The following SWAP70 variants were observed in gnomAD, a reference collection of about 807,000 sequenced individuals.
SWAP70 encodes the protein switching B cell complex subunit SWAP70.
SWAP70 carries 34 observed loss-of-function variants against 80.2 expected under a neutral mutation model. That is an observed-to-expected ratio of 0.42 (90% CI 0.32 to 0.56). The LOEUF is 0.56. SWAP70 is among the 20% of genes least tolerant of loss of function. The pLI is 0.09. For synonymous variants in SWAP70, 239 were observed against 238.5 expected (o/e 1.00, Z -0.02); for missense variants, 578 against 690.7 (o/e 0.84, Z 1.83).
intron 1 of SWAP70, among the ~76,000 whole-genome samples, chr11:9,665,799 C>G (rs573351253): frequency 6.6e-6 from 1 of 152,036 alleles, no homozygotes; most frequent in Admixed American, 6.6e-5. Flanking sequence ...ATTTCCAGTT[C>G]GGGGGAGTTA....
chr11:9,716,234 A>G (rs1590034911), intron 3 of SWAP70, among the ~76,000 whole-genome samples: 1 of 152,134 alleles, frequency 6.6e-6, no homozygotes, highest in African/African-American at 2.4e-5. Context: ...TGAAATATGG[A>G]GACATGGGAG....
intron 1 of SWAP70, among the ~76,000 whole-genome samples, chr11:9,684,742 A>G (rs888613744): frequency 6.6e-5 from 10 of 152,216 alleles, no homozygotes; most frequent in African/African-American, 7.2e-5. Flanking sequence ...ATAGTAAAAT[A>G]AATGCAAAGA....
intron 1 of SWAP70, among the ~76,000 whole-genome samples, chr11:9,674,422 G>A (rs1850460921): frequency 2.0e-5 from 3 of 152,122 alleles, no homozygotes; most frequent in Admixed American, 6.5e-5. Context: ...TTGGGAAGCT[G>A]GGTGCAGTGG....
chr11:9,667,496 G>T (rs141744792), intron 1 of SWAP70, among the ~76,000 whole-genome samples: 1 of 152,008 alleles, frequency 6.6e-6, no homozygotes, highest in Non-Finnish European at 1.5e-5. Context: ...AAAGACATCC[G>T]CCCGCCTTGG....
At chr11:9,669,185 C>T (rs759649119) in intron 1 of SWAP70, among the ~76,000 whole-genome samples, 3 of 152,108 alleles carry the variant, frequency 2.0e-5, no homozygotes, top group South Asian at 2.1e-4. Context: ...AAATGAACTC[C>T]GAAGGAAGTT....
chr11:9,675,515 G>A (rs1030329813), intron 1 of SWAP70, among the ~76,000 whole-genome samples: 10 of 151,776 alleles, frequency 6.6e-5, no homozygotes, highest in Admixed American at 1.3e-4. Flanking sequence ...GATGTTTGCT[G>A]GTTGTCTAGT....
chr11:9,749,912 C>T lies in SWAP70; in HGVS notation c.1700C>T (p.Thr567Ile), dbSNP rs1851563145. 1 of 1,614,082 alleles carries T rather than the reference C, an allele frequency of 6.2e-7. No homozygotes were observed. The highest frequency in any genetic ancestry group is 2.2e-5 in the East Asian group (1 of 44,884). ...ACTAACTGGGGACCTGCAGCTTTCA[C>T]TGAGGCAGAACTTGAAGAGAGAGAG... is the stretch of plus-strand genomic sequence containing the variant. The part of the protein sequence containing the change: ...LITNWGPAAF[T>I]EAELEEREKN... The change falls in exon 12 of 12, where the codon ACT becomes ATT. Residue 567 changes from threonine (T) to isoleucine (I), a missense_variant. Physicochemically the swap from Thr to Ile is moderately conservative, Grantham distance 89 (BLOSUM62 -1). Coordinates refer to ENST00000318950, the MANE Select transcript of SWAP70 (RefSeq NM_015055.4).
chr11:9,666,485 T>C (rs953687542), intron 1 of SWAP70, among the ~76,000 whole-genome samples: 1 of 152,156 alleles, frequency 6.6e-6, no homozygotes, highest in African/African-American at 2.4e-5. Flanking sequence ...CTTTTCATAG[T>C]GTACTTAGAG....
In SWAP70 at chr11:9,738,272, A is replaced by C; in HGVS notation, c.1140A>C (p.Gln380His). The change falls in exon 8 of 12, where the codon CAA becomes CAC. Residue 380 changes from glutamine (Q) to histidine (H), a missense_variant. Gln to His is a conservative substitution (Grantham distance 24). Transcript: ENST00000318950. ...AGGAAAAGAAACGCCTTCAGACTCA[A>C]GTGGAACTTCAGGCCAGGTTCAGCA... is the stretch of plus-strand genomic sequence containing the variant. The part of the protein sequence containing the change: ...AEEEKKRLQT[Q>H]VELQARFSTE... The C allele has an allele frequency of 6.2e-7, 1 of 1,611,574 alleles. No homozygotes were observed. Among genetic ancestry groups the C allele is most frequent in the Non-Finnish European group, 8.5e-7 (1 of 1,178,840 alleles).
chr11:9,740,884 T>G (rs1341155140), intron 9 of SWAP70: 1 of 156,980 alleles, frequency 6.4e-6, no homozygotes, highest in Non-Finnish European at 1.4e-5. Flanking sequence ...CTTAGAACTT[T>G]ATGATAGTCA....
chr11:9,715,694 T>G (rs1023519957), intron 3 of SWAP70, among the ~76,000 whole-genome samples: 1 of 152,162 alleles, frequency 6.6e-6, no homozygotes, highest in African/African-American at 2.4e-5. Context: ...CCATCAGATC[T>G]CATGAGACTT....
rs558828292 is a variant in SWAP70 at position 9,667,495 on chromosome 11, C to T, written c.99+3217C>T. Among the ~76,000 whole-genome samples the T allele has an allele frequency of 1.9e-4, 29 of 151,602 alleles. 1 individual carries two copies. The highest frequency in any genetic ancestry group is 6.5e-4 in the African/African-American group (27 of 41,334). On this transcript the variant is annotated intron_variant, in intron 1 of 11. Coordinates refer to ENST00000318950, the MANE Select transcript of SWAP70 (RefSeq NM_015055.4). ...TTGAACTCCTGAGCTCAAAGACATC[C>T]GCCCGCCTTGGCCTTCTAAAGTGCT...
chr11:9,675,338 A>AGAGAGAGG (rs1565111603), intron 1 of SWAP70, among the ~76,000 whole-genome samples: 1 of 68,106 alleles, frequency 1.5e-5, no homozygotes, highest in African/African-American at 4.2e-5. Flanking sequence ...AGAGAGAGAG[A>AGAGAGAGG]GAGGGAGCGA....
chr11:9,673,528 A>C (rs1430709915), intron 1 of SWAP70, among the ~76,000 whole-genome samples: 1 of 152,172 alleles, frequency 6.6e-6, no homozygotes, highest in Non-Finnish European at 1.5e-5. Flanking sequence ...GTCATGATTA[A>C]AGTACAGACA....
chr11:9,752,703 TA>T lies in SWAP70; in HGVS notation c.*2735del, dbSNP rs1851606680. ...GCTTGTCATCAGGTGTTTTCCTTAA[TA>T]AGTAGGGATATGATCATTTACAGGA... On this transcript the variant is annotated 3_prime_UTR_variant, in exon 12 of 12. Coordinates refer to ENST00000318950, the MANE Select transcript of SWAP70 (RefSeq NM_015055.4). The T allele has an allele frequency of 1.3e-5, 2 of 152,212 alleles. No individual in the cohort carries two copies. Among genetic ancestry groups the T allele is most frequent in the South Asian group, 4.1e-4 (2 of 4,834 alleles). 9.4% of individuals were successfully genotyped at this position (152,212 alleles called of 1,614,324 possible).
chr11:9,702,717 G>A (rs1399515282), intron 2 of SWAP70, among the ~76,000 whole-genome samples: 1 of 152,074 alleles, frequency 6.6e-6, no homozygotes, highest in Non-Finnish European at 1.5e-5. Flanking sequence ...CACTGCACCT[G>A]ACTGAAAGTT....
At position 9,728,135 on chromosome 11, in the gene SWAP70, A is replaced by T; in HGVS notation, c.725A>T (p.Tyr242Phe). The change falls in exon 5 of 12, where the codon TAT becomes TTT. Residue 242 changes from tyrosine to phenylalanine, a missense_variant. Tyr to Phe is a conservative substitution (Grantham distance 22, BLOSUM62 3). Transcript: ENST00000318950. ...FVLKPNIISYYVSEDLKDKKG... is the reference protein window; with the variant it reads ...FVLKPNIISYFVSEDLKDKKG... ...CTAAAACCCAACATAATTTCTTACT[A>T]TGTGAGTGAGGATCTGAAGGATAAG... is the stretch of plus-strand genomic sequence containing the variant. The T allele has an allele frequency of 1.2e-6, 2 of 1,613,230 alleles. No homozygotes were observed. Among genetic ancestry groups the T allele is most frequent in the Non-Finnish European group, 1.7e-6 (2 of 1,179,700 alleles).
intron 3 of SWAP70, among the ~76,000 whole-genome samples, chr11:9,716,752 A>G (rs1012359861): frequency 1.3e-5 from 2 of 152,292 alleles, no homozygotes; most frequent in African/African-American, 2.4e-5. Flanking sequence ...GTGCACTAGA[A>G]GTGTTTATCT....
intron 9 of SWAP70, 38 bp from the exon 10 acceptor site, chr11:9,747,820 G>A: frequency 6.2e-7 from 1 of 1,605,542 alleles, no homozygotes; most frequent in Non-Finnish European, 8.5e-7. Context: ...GTGGTGACCT[G>A]GGCAGGATTT....
Sources: gnomAD v4.1 joint callset for allele counts (sites outside exome capture counted in the v4.1 genomes callset) on GRCh38, gnomAD v4.1.1 for gene constraint, MANE v1.5 for transcripts, NCBI Gene and HGNC (gene_info 2026-07-23, HGNC 2026-07-21) for gene names.